Variants in SPATA16 observed in about 807,000 individuals in gnomAD.
The protein encoded by SPATA16 is spermatogenesis-associated protein 16.
SPATA16 carries 36 observed loss-of-function variants against 63.3 expected under a neutral mutation model. The observed-to-expected ratio is 0.57, with a 90% CI of 0.44 to 0.75. The LOEUF (loss-of-function observed/expected upper bound fraction) is 0.75, where lower values mean the gene tolerates loss of function less well. SPATA16 is among the 30% of genes least tolerant of loss of function. The pLI is 0.00. For synonymous variants in SPATA16, 203 were observed against 216.7 expected (o/e 0.94, Z 0.56); for missense variants, 646 against 679.3 (o/e 0.95, Z 0.54).
At chr3:173,101,866 A>G (rs1458584734) in intron 2 of SPATA16, among the ~76,000 whole-genome samples, 2 of 152,044 alleles carry the variant, frequency 1.3e-5, no homozygotes, top group Non-Finnish European at 2.9e-5. Flanking sequence ...ACCACTATGC[A>G]TTCTCTTCAC....
chr3:172,935,882 G>T (rs1732979916), intron 6 of SPATA16, among the ~76,000 whole-genome samples: 1 of 152,136 alleles, frequency 6.6e-6, no homozygotes, highest in Non-Finnish European at 1.5e-5. Context: ...AAACTGCTCT[G>T]ATTGGTAACA....
At chr3:172,943,875 T>G (rs907778215) in intron 6 of SPATA16, among the ~76,000 whole-genome samples, 2 of 152,106 alleles carry the variant, frequency 1.3e-5, no homozygotes, top group Non-Finnish European at 2.9e-5. Context: ...ATAAAACTAT[T>G]CAAAAAACCC....
At chr3:173,127,848 C>T (rs764984927) in intron 1 of SPATA16, among the ~76,000 whole-genome samples, 3 of 152,220 alleles carry the variant, frequency 2.0e-5, no homozygotes, top group Non-Finnish European at 4.4e-5. Context: ...TGCGACCACG[C>T]AATTTCCTGC....
intron 2 of SPATA16, among the ~76,000 whole-genome samples, chr3:173,088,007 C>CATCTTTCTTTCTTTCTTTCTTTCT (rs1553801607): frequency 3.4e-5 from 4 of 118,372 alleles, no homozygotes; most frequent in African/African-American, 1.1e-4. Context: ...ATTTTCTTTC[C>CATCTTTCTTTCTTTCTTTCTTTCT]GTCTTTCTTT....
chr3:173,101,792 T>A (rs1737503548), intron 2 of SPATA16, among the ~76,000 whole-genome samples: 1 of 152,168 alleles, frequency 6.6e-6, no homozygotes, highest in South Asian at 2.1e-4. Context: ...ACCAAACCTC[T>A]ATGCCTTTCA....
chr3:172,914,417 G>A (rs761268942), intron 9 of SPATA16, among the ~76,000 whole-genome samples: 1 of 151,940 alleles, frequency 6.6e-6, no homozygotes, highest in Non-Finnish European at 1.5e-5. Flanking sequence ...CTATTCAAAG[G>A]TTAAAAAAAG....
intron 8 of SPATA16, among the ~76,000 whole-genome samples, chr3:172,923,188 T>C (rs1417959998): frequency 1.3e-5 from 2 of 152,186 alleles, no homozygotes; most frequent in African/African-American, 4.8e-5. Flanking sequence ...CAGCCTGAGC[T>C]GACTAAGGTA....
At chr3:173,009,791 G>A (rs1193533292) in intron 4 of SPATA16, among the ~76,000 whole-genome samples, 1 of 152,246 alleles carries the variant, frequency 6.6e-6, no homozygotes, top group East Asian at 1.9e-4. Flanking sequence ...CACACACAAA[G>A]CAAGGCAGCA....
chr3:173,126,993 A>G (rs1054712176), intron 1 of SPATA16, among the ~76,000 whole-genome samples: 1 of 152,198 alleles, frequency 6.6e-6, no homozygotes, highest in Non-Finnish European at 1.5e-5. Context: ...TTATTCTCAA[A>G]CATGTTTTAA....
intron 2 of SPATA16, among the ~76,000 whole-genome samples, chr3:173,084,915 C>A (rs1456250137): frequency 6.6e-6 from 1 of 152,152 alleles, no homozygotes; most frequent in Non-Finnish European, 1.5e-5. Flanking sequence ...GTTTTGGTTA[C>A]TGTAGCCTTG....
At chr3:172,928,524 G>A (rs1732792213) in intron 6 of SPATA16, among the ~76,000 whole-genome samples, 1 of 152,182 alleles carries the variant, frequency 6.6e-6, no homozygotes, top group Non-Finnish European at 1.5e-5. Flanking sequence ...GCCAAAACCA[G>A]CCTGATGTTT....
At chr3:173,112,204 C>T (rs1737766333) in intron 2 of SPATA16, among the ~76,000 whole-genome samples, 1 of 152,156 alleles carries the variant, frequency 6.6e-6, no homozygotes, top group Non-Finnish European at 1.5e-5. Flanking sequence ...GAAACACCTG[C>T]TTAAGAAGAA....
chr3:172,945,767 C>A (rs1165321307), intron 6 of SPATA16, among the ~76,000 whole-genome samples: 1 of 152,166 alleles, frequency 6.6e-6, no homozygotes, highest in Non-Finnish European at 1.5e-5. Flanking sequence ...CCACCATGGG[C>A]TAAAGAAGCT....
At chr3:172,916,525 A>G (rs1441599439) in intron 8 of SPATA16, 44 bp from the exon 9 acceptor site, 1 of 1,605,288 alleles carries the variant, frequency 6.2e-7, no homozygotes, top group African/African-American at 1.3e-5. Context: ...AAACCACGGA[A>G]ATAGACCTCT....
At chr3:173,081,709 C>G (rs997420488) in intron 2 of SPATA16, among the ~76,000 whole-genome samples, 1 of 151,986 alleles carries the variant, frequency 6.6e-6, no homozygotes, top group African/African-American at 2.4e-5. Context: ...TAAAACCGTT[C>G]GTGAGATTAC....
intron 5 of SPATA16, among the ~76,000 whole-genome samples, chr3:172,961,069 T>TTC (rs1560080334): frequency 0.014 from 1,004 of 72,382 alleles, 62 homozygotes; most frequent in East Asian, 0.09. Context: ...CTTTCTTCTT[T>TTC]CTTCCTTCCT....
rs141845742 is a variant in SPATA16, at chr3:172,889,572, A to G, written c.1708T>C (p.Ter570GlnextTer9). The change falls in exon 11 of 11, where the codon TAG becomes CAG. Residue 570 changes from the stop codon to glutamine (Q), a stop_lost. Coordinates refer to ENST00000351008, the MANE Select transcript of SPATA16 (RefSeq NM_031955.6). ...MKRLQTVQQR[*>Q] is the part of the protein sequence containing the mutation. ...TGGTAGTGCCTGCTCCCTAATGACT[A>G]CCTTTGCTGAACAGTTTGAAGTCGC... 6.1e-4 allele frequency: 980 copies of G among 1,613,574 alleles called. 5 individuals carry two copies. The African/African-American group carries it at 0.011, about 18-fold the overall frequency.
chr3:173,074,992 CA>C (rs35683679), intron 2 of SPATA16, among the ~76,000 whole-genome samples: 7,340 of 66,650 alleles, frequency 0.11, 517 homozygotes, highest in African/African-American at 0.28. Context: ...GACTCTATCT[CA>C]AAAAAAAAAA....
intron 1 of SPATA16, among the ~76,000 whole-genome samples, chr3:173,128,541 A>G (rs1422476841): frequency 6.6e-6 from 1 of 152,148 alleles, no homozygotes; most frequent in Admixed American, 6.6e-5. Flanking sequence ...AGGAATTTGC[A>G]TGTTTAGTAA....
Sources: gnomAD v4.1 joint callset for allele counts (sites outside exome capture counted in the v4.1 genomes callset) on GRCh38, gnomAD v4.1.1 for gene constraint, MANE v1.5 for transcripts, NCBI Gene and HGNC (gene_info 2026-07-23, HGNC 2026-07-21) for gene names.